Variants in GALNT18 observed in about 807,000 individuals in gnomAD.
The protein encoded by GALNT18 is GalNAc-transferase 18.
In GALNT18, 44 loss-of-function variants were observed where a neutral mutation model predicts 69.5. The ratio of observed to expected loss-of-function variants is 0.63; its 90% CI spans 0.50 to 0.81. The LOEUF is 0.81. GALNT18 is among the 40% of genes least tolerant of loss of function. The probability of loss-of-function intolerance (pLI) is 0.00; values close to 1 mark genes in which losing one functional copy is unlikely to be tolerated. For synonymous variants in GALNT18, 364 were observed against 318.2 expected (o/e 1.14, Z -1.53); for missense variants, 715 against 810.0 (o/e 0.88, Z 1.42).
chr11:11,521,950 C>A (rs551787522), intron 1 of GALNT18, among the ~76,000 whole-genome samples: 2 of 152,172 alleles, frequency 1.3e-5, no homozygotes, highest in Non-Finnish European at 2.9e-5. Flanking sequence ...GACCAGCTGA[C>A]CCCAGAGAGG....
rs1854090121 is a variant in GALNT18, at chr11:11,387,772, G to T, written c.596-8508C>A. Among the ~76,000 whole-genome samples the T allele has an allele frequency of 1.3e-5, 2 of 152,214 alleles. No individual in the cohort carries two copies. The highest frequency in any genetic ancestry group is 4.1e-4 in the South Asian group (2 of 4,832). On this transcript the variant is annotated intron_variant, in intron 3 of 10. Transcript: ENST00000227756. This position sits in a 1 kb window ranked among gnomAD's most constrained non-coding sequence, Gnocchi z 4.6. ...CGTCCGCACCTCCATGGAGAATCTG[G>T]AGTGGGGGCTCAGGACTCAGATGGT...
At position 11,614,313 on chromosome 11, in the gene GALNT18, T is replaced by TGAGAGAGGGGTGA. The variant is rs1168674424; in HGVS notation, c.235+7033_235+7045dup. ...ACAGGGAAGCAGGTATGTCACATAG[T>TGAGAGAGGGGTGA]GAGAGAGGGGTGAGAGAGAGAGGCA... is the stretch of plus-strand genomic sequence containing the variant. On this transcript the variant is annotated intron_variant, in intron 1 of 10. Coordinates refer to ENST00000227756, the MANE Select transcript of GALNT18 (RefSeq NM_198516.3). This position sits in a 1 kb window ranked among gnomAD's most constrained non-coding sequence, Gnocchi z 5.6. 6.7e-6 allele frequency among the ~76,000 whole-genome samples: 1 copy of TGAGAGAGGGGTGA among 149,604 alleles called. No individual in the cohort carries two copies. Among genetic ancestry groups the TGAGAGAGGGGTGA allele is most frequent in the Admixed American group, 6.6e-5 (1 of 15,084 alleles).
At chr11:11,419,815 C>T (rs956108140) in intron 3 of GALNT18, among the ~76,000 whole-genome samples, 11 of 152,130 alleles carry the variant, frequency 7.2e-5, no homozygotes, top group African/African-American at 2.6e-4. Flanking sequence ...GCTCTTGGGA[C>T]ATGAGCTCCT....
chr11:11,581,060 T>G (rs963609012), intron 1 of GALNT18, among the ~76,000 whole-genome samples: 2 of 152,246 alleles, frequency 1.3e-5, no homozygotes, highest in East Asian at 3.8e-4. Context: ...ACAATTTATG[T>G]GCTGCATGTG....
At chr11:11,289,667 A>T (rs908340722) in intron 10 of GALNT18, among the ~76,000 whole-genome samples, 1 of 152,176 alleles carries the variant, frequency 6.6e-6, no homozygotes, top group African/African-American at 2.4e-5. Context: ...AGGTGTGCAC[A>T]GGAGATGAGA....
At chr11:11,304,756 C>T (rs891638057) in intron 9 of GALNT18, among the ~76,000 whole-genome samples, 1 of 152,208 alleles carries the variant, frequency 6.6e-6, no homozygotes, top group Admixed American at 6.5e-5. Flanking sequence ...CTAGCTGGAA[C>T]GTGAGCGGGA....
In GALNT18 at chr11:11,293,379, A is replaced by G. The variant is rs1849339733; in HGVS notation, c.1513-186T>C. Among the ~76,000 whole-genome samples the G allele has an allele frequency of 7.9e-5, 12 of 152,308 alleles. No individual in the cohort carries two copies. The South Asian group carries it at 2.5e-3, about 32-fold the overall frequency. ...GGACAAGAAGAAACCCTTTTACATT[A>G]TGATCCGGTATAGTGTCTGGTCCAC... On this transcript the variant is annotated intron_variant, in intron 9 of 10. Coordinates refer to ENST00000227756, the MANE Select transcript of GALNT18 (RefSeq NM_198516.3).
rs944338222 is a variant in GALNT18, at chr11:11,435,036, C to T, written c.429-2249G>A. 1.3e-5 allele frequency among the ~76,000 whole-genome samples: 2 copies of T among 152,150 alleles called. No individual in the cohort carries two copies. Among genetic ancestry groups the T allele is most frequent in the African/African-American group, 2.4e-5 (1 of 41,422 alleles). ...ACCATCTGTGGCCAAACAAATAGTA[C>T]ATGAATTCTTCTTTTATATAAAGTA... On this transcript the variant is annotated intron_variant, in intron 2 of 10. Transcript: ENST00000227756. The surrounding 1 kb of genome is among the most constrained non-coding windows in gnomAD (Gnocchi z 4.4).
chr11:11,293,259 G>A (rs1045614537), intron 9 of GALNT18, 66 bp from the exon 10 acceptor site: 5 of 1,267,840 alleles, frequency 3.9e-6, no homozygotes, highest in South Asian at 6.7e-5. Context: ...GAGCATAGGT[G>A]GTGATTCTTC....
At chr11:11,319,130 T>G (rs1228899382) in intron 9 of GALNT18, among the ~76,000 whole-genome samples, 1 of 145,126 alleles carries the variant, frequency 6.9e-6, no homozygotes, top group Non-Finnish European at 1.5e-5. Flanking sequence ...AGATACTCAG[T>G]TCCTCAAATG....
rs373869982 is a variant in GALNT18, at chr11:11,576,696, TGTTCCCTTAGCCGGGTTA to T, written c.235+44645_235+44662del. On this transcript the variant is annotated intron_variant, in intron 1 of 10. Transcript: ENST00000227756. ...TGAAGCTTGGGCTAGGGGCTGGGCC[TGTTCCCTTAGCCGGGTTA>T]GTGCATGGCACTAATGAGATCGGGG... Among the ~76,000 whole-genome samples the T allele has an allele frequency of 8.8e-3, 1,335 of 152,358 alleles. 24 individuals carry two copies. The highest frequency in any genetic ancestry group is 0.03 in the African/African-American group (1,267 of 41,582).
chr11:11,313,314 G>T (rs186623881), intron 9 of GALNT18, among the ~76,000 whole-genome samples: 1 of 152,298 alleles, frequency 6.6e-6, no homozygotes, highest in East Asian at 1.9e-4. Context: ...GCCCAGGGTG[G>T]ATGGGGAAGG....
At position 11,279,063 on chromosome 11, in the gene GALNT18, C is replaced by A. The variant is rs530924075; in HGVS notation, c.1678-7773G>T. Among the ~76,000 whole-genome samples the A allele has an allele frequency of 6.6e-5, 10 of 152,284 alleles. 1 individual carries two copies. In the South Asian group the frequency reaches 1.7e-3, roughly 25 times the overall value. ...GTGGGGCCGGATCCCTCATGACGGGCTTGGGCCATCCCCTTGGTGAGAAGT... is the reference window on the plus strand; with the variant it reads ...GTGGGGCCGGATCCCTCATGACGGGATTGGGCCATCCCCTTGGTGAGAAGT... On this transcript the variant is annotated intron_variant, in intron 10 of 10. Coordinates refer to ENST00000227756, the MANE Select transcript of GALNT18 (RefSeq NM_198516.3).
At chr11:11,426,722 G>A (rs1220855520) in intron 3 of GALNT18, among the ~76,000 whole-genome samples, 1 of 152,168 alleles carries the variant, frequency 6.6e-6, no homozygotes, top group Non-Finnish European at 1.5e-5. Context: ...GGTGAGGAGT[G>A]ACAGGGAGGA....
At chr11:11,327,063 CA>C in intron 9 of GALNT18, 22 bp downstream of exon 9, 1 of 1,554,470 alleles carries the variant, frequency 6.4e-7, no homozygotes, top group Non-Finnish European at 8.9e-7. Flanking sequence ...ACTCCTGGCA[CA>C]GGAATCTCTT....
chr11:11,526,088 G>C (rs1017080744), intron 1 of GALNT18, among the ~76,000 whole-genome samples: 3 of 152,160 alleles, frequency 2.0e-5, no homozygotes, highest in Non-Finnish European at 2.9e-5. Flanking sequence ...AAGTATGCTA[G>C]GCGTTCTCAG....
At position 11,586,367 on chromosome 11, in the gene GALNT18, G is replaced by A. The variant is rs1859225832; in HGVS notation, c.235+34992C>T. 6.6e-6 allele frequency among the ~76,000 whole-genome samples: 1 copy of A among 152,060 alleles called. No individual in the cohort carries two copies. ...CAAATATTAACTGATACAACCTATAGCAACAAAACTCCCTTGGGGTTTTCA... is the reference window on the plus strand; with the variant it reads ...CAAATATTAACTGATACAACCTATAACAACAAAACTCCCTTGGGGTTTTCA... On this transcript the variant is annotated intron_variant, in intron 1 of 10. Transcript: ENST00000227756. This position sits in a 1 kb window ranked among gnomAD's most constrained non-coding sequence, Gnocchi z 4.1.
rs940800560 is a variant in GALNT18, at chr11:11,444,206, C to T, written c.428+4538G>A. Among the ~76,000 whole-genome samples, 1 of 151,924 alleles carries T rather than the reference C, an allele frequency of 6.6e-6. No individual in the cohort carries two copies. The highest frequency in any genetic ancestry group is 2.4e-5 in the African/African-American group (1 of 41,358). ...GAGGTGCCTTGCAGATGCCACCCTC[C>T]AGGCCCCGCCTCCCTGCCACAGAGA... On this transcript the variant is annotated intron_variant, in intron 2 of 10. Transcript: ENST00000227756. The surrounding 1 kb of genome is among the most constrained non-coding windows in gnomAD (Gnocchi z 4.4).
At chr11:11,401,645 G>A (rs776797032) in intron 3 of GALNT18, among the ~76,000 whole-genome samples, 6 of 152,154 alleles carry the variant, frequency 3.9e-5, no homozygotes, top group African/African-American at 9.7e-5. Flanking sequence ...TTTCACTTTC[G>A]CATATTTAAT....
Sources: allele counts gnomAD v4.1 joint callset (sites outside exome capture counted in the v4.1 genomes callset), GRCh38; gene constraint gnomAD v4.1.1; non-coding constraint Gnocchi (gnomAD v3.1); transcripts MANE v1.5; gene names NCBI Gene and HGNC (gene_info 2026-07-23, HGNC 2026-07-21).